Variants in RYR3 observed in about 807,000 individuals in gnomAD.
RYR3 encodes the protein ryanodine receptor 3.
In RYR3, 207 loss-of-function variants were observed where a neutral mutation model predicts 584.3. The ratio of observed to expected loss-of-function variants is 0.35; its 90% CI spans 0.32 to 0.40. The LOEUF is 0.40. RYR3 is among the 10% of genes least tolerant of loss of function. The pLI is 1.00. For synonymous variants in RYR3, 2,416 were observed against 2,248.5 expected (o/e 1.07, Z -2.11); for missense variants, 5,616 against 6,089.2 (o/e 0.92, Z 2.59).
chr15:33,414,875 G>C (rs778045573), intron 1 of RYR3, among the ~76,000 whole-genome samples: 1 of 152,214 alleles, frequency 6.6e-6, no homozygotes, highest in Non-Finnish European at 1.5e-5. Flanking sequence ...TTACAGGCGT[G>C]AGCCACCGCG....
At chr15:33,731,257 GT>G (rs34574020) in intron 47 of RYR3, among the ~76,000 whole-genome samples, 17,355 of 147,622 alleles carry the variant, frequency 0.12, 1,111 homozygotes, top group East Asian at 0.29. Flanking sequence ...TTTTTTGTGT[GT>G]TTTTTTTTTG....
At chr15:33,793,672 T>C (rs184854128) in intron 67 of RYR3, among the ~76,000 whole-genome samples, 37 of 152,172 alleles carry the variant, frequency 2.4e-4, no homozygotes, top group African/African-American at 8.4e-4. Context: ...AAATACAAAT[T>C]TGAAAATGTT....
intron 64 of RYR3, among the ~76,000 whole-genome samples, chr15:33,777,884 G>A (rs1448033154): frequency 6.6e-6 from 1 of 152,082 alleles, no homozygotes; most frequent in Non-Finnish European, 1.5e-5. Context: ...AAAATTTGCT[G>A]TCAGGCAGGA....
chr15:33,706,475 GGA>G (rs1337724864), intron 42 of RYR3, among the ~76,000 whole-genome samples: 1 of 152,130 alleles, frequency 6.6e-6, no homozygotes, highest in Non-Finnish European at 1.5e-5. Context: ...TCCTATGAAT[GGA>G]ACGATACGGT....
intron 19 of RYR3, among the ~76,000 whole-genome samples, chr15:33,620,692 A>G (rs1361175367): frequency 1.3e-5 from 2 of 152,112 alleles, no homozygotes; most frequent in African/African-American, 4.8e-5. Context: ...TCTGGATCTC[A>G]TAGGGCAAGT....
At chr15:33,786,842 G>A (rs1429752) in intron 66 of RYR3, among the ~76,000 whole-genome samples, 105,158 of 152,114 alleles carry the variant, frequency 0.69, 37,013 homozygotes, top group East Asian at 0.95. Context: ...AAAGGAATCA[G>A]TGTCCTTCTG....
In RYR3 at chr15:33,768,704, T is replaced by C; in HGVS notation, c.8752T>C (p.Phe2918Leu). Residue 2918 changes from phenylalanine (F) to leucine (L), a missense_variant, in exon 61 of 104, where the codon TTT becomes CTT. Transcript: ENST00000634891. The stretch of plus-strand genomic sequence containing the variant: ...TCTCGTTAGACACAGAATTTCCCTC[T>C]TTGGTAAGTGAAGTGTTGCTCAAGG... ...AALVRHRISL[F>L]GSDSTTMVSC... is the part of the protein sequence containing the mutation. 6.2e-7 allele frequency: 1 copy of C among 1,613,888 alleles called. No homozygotes were observed. Among genetic ancestry groups the C allele is most frequent in the Non-Finnish European group, 8.5e-7 (1 of 1,179,756 alleles).
chr15:33,379,711 A>G (rs1427763665), intron 1 of RYR3, among the ~76,000 whole-genome samples: 1 of 143,614 alleles, frequency 7.0e-6, no homozygotes, highest in East Asian at 2.0e-4. Context: ...ATATATATGA[A>G]TTTGTTAGAG....
intron 11 of RYR3, 116 bp downstream of exon 11, chr15:33,563,126 G>C: frequency 1.2e-6 from 1 of 854,954 alleles, no homozygotes; most frequent in Non-Finnish European, 1.8e-6. Context: ...TTACTATTCA[G>C]AAGAGTTATT....
At chr15:33,505,693 C>T (rs952188067) in intron 3 of RYR3, among the ~76,000 whole-genome samples, 31 of 152,168 alleles carry the variant, frequency 2.0e-4, no homozygotes, top group African/African-American at 6.8e-4. Flanking sequence ...GGGGTTTCAC[C>T]GTGTTAGCCA....
At chr15:33,613,130 C>A in intron 18 of RYR3, 53 bp from the exon 19 acceptor site, 1 of 1,440,470 alleles carries the variant, frequency 6.9e-7, no homozygotes, top group Admixed American at 1.8e-5. Context: ...CTTTCTCAGC[C>A]TAGCAGGTGC....
chr15:33,536,497 C>T (rs1417312440), intron 5 of RYR3, among the ~76,000 whole-genome samples: 1 of 152,154 alleles, frequency 6.6e-6, no homozygotes, highest in Non-Finnish European at 1.5e-5. Context: ...TTGTATTTTA[C>T]GGCTTTGGAC....
In RYR3 at chr15:33,854,657, C is replaced by T. The variant is rs986889237; in HGVS notation, c.13861-109C>T. 39 of 1,419,246 alleles carry T rather than the reference C, an allele frequency of 2.7e-5. 1 individual carries two copies. The highest frequency in any genetic ancestry group is 3.6e-5 in the Non-Finnish European group (38 of 1,042,698). The allele number at this position is 1,419,246 out of a possible 1,614,324, so 87.9% of individuals were successfully genotyped here. A position where few individuals can be genotyped will look rare whatever the true frequency, so the allele number is the denominator to read the frequency against. On this transcript the variant is annotated intron_variant, in intron 97 of 103. Coordinates refer to ENST00000634891, the MANE Select transcript of RYR3 (RefSeq NM_001036.6). Reference sequence around the variant, plus strand: ...TGGGCCAGCTCACAGCACCTCAGCACCTAAACCCCCTCTATCCTCAGTGTG... The same window carrying T: ...TGGGCCAGCTCACAGCACCTCAGCATCTAAACCCCCTCTATCCTCAGTGTG...
chr15:33,800,447 T>C (rs2152929960), intron 67 of RYR3, among the ~76,000 whole-genome samples: 1 of 152,304 alleles, frequency 6.6e-6, no homozygotes, highest in Non-Finnish European at 1.5e-5. Flanking sequence ...AATCAACTAA[T>C]CAGTTTAAAG....
rs1379471450 is a variant in RYR3, at chr15:33,848,252, A to G, written c.13498-39A>G. ...ACCTGGGAGCAGGAGCTTTAATCAC[A>G]AAGCCTGCTCTGAGTAACCATCCTC... On this transcript the variant is annotated intron_variant, in intron 93 of 103. Coordinates refer to ENST00000634891, the MANE Select transcript of RYR3 (RefSeq NM_001036.6). The G allele has an allele frequency of 8.1e-6, 13 of 1,610,762 alleles. No individual in the cohort carries two copies. In the East Asian group the frequency reaches 1.8e-4, roughly 22 times the overall value.
intron 1 of RYR3, among the ~76,000 whole-genome samples, chr15:33,453,982 T>C (rs2047342152): frequency 6.6e-6 from 1 of 152,142 alleles, no homozygotes; most frequent in Admixed American, 6.5e-5. Context: ...TCTTGCCAGG[T>C]TGAGGCTTGG....
Position 33,664,589 on chromosome 15 carries a change from G to GTGTATATATATATATATATATATA in RYR3, c.5619+853_5619+854insGTATATATATATATATATATATAT, listed in dbSNP as rs577496539. ...TATATAGATATATGTGTGTGTGTGT[G>GTGTATATATATATATATATATATA]TATATATATATATATATATATATAT... On this transcript the variant is annotated intron_variant, in intron 36 of 103. Transcript: ENST00000634891. 6.5e-4 allele frequency among the ~76,000 whole-genome samples: 59 copies of GTGTATATATATATATATATATATA among 91,354 alleles called. 1 individual carries two copies. The highest frequency in any genetic ancestry group is 1.2e-3 in the African/African-American group (27 of 22,746). The allele number at this position is 91,354 out of a possible 152,430, so 59.9% of individuals were successfully genotyped here. A position where few individuals can be genotyped will look rare whatever the true frequency, so the allele number is the denominator to read the frequency against.
chr15:33,544,794 C>T (rs1031810682), intron 8 of RYR3, among the ~76,000 whole-genome samples: 10 of 152,170 alleles, frequency 6.6e-5, no homozygotes, highest in Admixed American at 3.9e-4. Context: ...GCCTAGGACA[C>T]ATAAAGCACA....
At chr15:33,350,457 A>G (rs1347532044) in intron 1 of RYR3, among the ~76,000 whole-genome samples, 2 of 151,534 alleles carry the variant, frequency 1.3e-5, no homozygotes, top group Non-Finnish European at 3.0e-5. Flanking sequence ...CAGAATATAC[A>G]TTTTTTTCAG....
Sources: gnomAD v4.1 joint callset for allele counts (sites outside exome capture counted in the v4.1 genomes callset) on GRCh38, gnomAD v4.1.1 for gene constraint, MANE v1.5 for transcripts, NCBI Gene and HGNC (gene_info 2026-07-23, HGNC 2026-07-21) for gene names.